Variants in DNA2 observed in about 807,000 individuals in gnomAD.
DNA2 encodes the protein DNA replication ATP-dependent helicase/nuclease DNA2.
DNA2 carries 101 observed loss-of-function variants against 119.1 expected under a neutral mutation model. That is an observed-to-expected ratio of 0.85 (90% CI 0.72 to 1.00). The LOEUF (loss-of-function observed/expected upper bound fraction) is 1.00, where lower values mean the gene tolerates loss of function less well. Among genes scored for constraint, DNA2 ranks in the 50% least tolerant of loss-of-function variants. The pLI is 0.00. For missense variants in DNA2, 1,121 were observed against 1,255.5 expected, an observed-to-expected ratio of 0.89 and a Z score of 1.62; for synonymous variants, 366 against 424.4, an observed-to-expected ratio of 0.86 and a Z score of 1.69.
In DNA2 at chr10:68,471,892, A is replaced by T. The variant is rs767026014; in HGVS notation, c.-28T>A. ...TGGACGCGGGGATCGCAAACTGTAG[A>T]CAGAAAAGACAGCGGAACCGGGGGT... On this transcript the variant is annotated 5_prime_UTR_variant, in exon 1 of 21. Transcript: ENST00000358410. 9.9e-6 allele frequency: 16 copies of T among 1,613,810 alleles called. No individual in the cohort carries two copies. Among genetic ancestry groups the T allele is most frequent in the Non-Finnish European group, 1.4e-5 (16 of 1,179,824 alleles).
intron 10 of DNA2, among the ~76,000 whole-genome samples, chr10:68,434,837 A>C (rs2051867139): frequency 6.6e-6 from 1 of 152,112 alleles, no homozygotes; most frequent in Non-Finnish European, 1.5e-5. Context: ...GTTATGACTC[A>C]ACTAAGATTA....
At position 68,469,116 on chromosome 10, in the gene DNA2, A is replaced by G. The variant is rs141773430; in HGVS notation, c.258-810T>C. ...GACGAAGAGTCAAAGTTAGACCTCT[A>G]GCTTTTCTGCATCTACACTCCACCC... On this transcript the variant is annotated intron_variant, in intron 2 of 20. Coordinates refer to ENST00000358410, the MANE Select transcript of DNA2 (RefSeq NM_001080449.3). Among the ~76,000 whole-genome samples, 507 of 152,172 alleles carry G rather than the reference A, an allele frequency of 3.3e-3. 3 individuals carry two copies. The highest frequency in any genetic ancestry group is 0.011 in the African/African-American group (466 of 41,518).
chr10:68,446,865 G>A (rs996865418), intron 6 of DNA2, among the ~76,000 whole-genome samples: 6 of 152,038 alleles, frequency 3.9e-5, no homozygotes, highest in Non-Finnish European at 7.4e-5. Flanking sequence ...GTGGTGCGGG[G>A]GGAGAAGTGG....
At position 68,414,278 on chromosome 10, in the gene DNA2, CTT is replaced by C. The variant is rs2051560863; in HGVS notation, c.*759_*760del. 1 of 151,830 alleles carries C rather than the reference CTT, an allele frequency of 6.6e-6. No individual in the cohort carries two copies. Among genetic ancestry groups the C allele is most frequent in the Admixed American group, 6.6e-5 (1 of 15,190 alleles). The allele number at this position is 151,830 out of a possible 1,614,324, so 9.4% of individuals were successfully genotyped here. ...ACTTTTTATATATATAATATAATCACTTTGAGACAATTTTGTTTTACAAAACA... is the reference window on the plus strand; with the variant it reads ...ACTTTTTATATATATAATATAATCACTGAGACAATTTTGTTTTACAAAACA... On this transcript the variant is annotated 3_prime_UTR_variant, in exon 21 of 21. Transcript: ENST00000358410.
intron 2 of DNA2, 25 bp from the exon 3 acceptor site, chr10:68,468,331 A>G: frequency 6.8e-7 from 1 of 1,476,602 alleles, no homozygotes; most frequent in Non-Finnish European, 9.0e-7. Flanking sequence ...AAGTTAAAGT[A>G]TAAATACATA....
At chr10:68,442,754 C>T (rs1459729016) in intron 9 of DNA2, among the ~76,000 whole-genome samples, 163 bp downstream of exon 9, 2 of 152,216 alleles carry the variant, frequency 1.3e-5, no homozygotes, top group Non-Finnish European at 2.9e-5. Flanking sequence ...AGGAATGGTG[C>T]TCTTCTTAGA....
intron 6 of DNA2, among the ~76,000 whole-genome samples, chr10:68,449,250 G>A (rs1478085342): frequency 6.6e-6 from 1 of 151,974 alleles, no homozygotes; most frequent in African/African-American, 2.4e-5. Flanking sequence ...TTCTTCTATT[G>A]ACATAATGTT....
intron 5 of DNA2, among the ~76,000 whole-genome samples, chr10:68,458,172 CA>C (rs913586400): frequency 3.8e-4 from 51 of 134,570 alleles, no homozygotes; most frequent in South Asian, 1.6e-3. Context: ...GACTCCGTCT[CA>C]AAAAAAAAAA....
At position 68,446,410 on chromosome 10, in the gene DNA2, C is replaced by T. The variant is rs1484941594; in HGVS notation, c.943G>A (p.Val315Ile). Residue 315 changes from valine (V) to isoleucine (I), a missense_variant, in exon 7 of 21, where the codon GTT becomes ATT. Transcript: ENST00000358410. ...TCTTGGCTTAGTAGAGTGTACAGAACAACCTGTGCAAACATTGACATTTGC... is the reference window on the plus strand; with the variant it reads ...TCTTGGCTTAGTAGAGTGTACAGAATAACCTGTGCAAACATTGACATTTGC... Reference protein sequence around the residue: ...SNSIEHRSQVVLYTLLSQERR... With the variant: ...SNSIEHRSQVILYTLLSQERR... The T allele has an allele frequency of 1.3e-6, 2 of 1,562,302 alleles. No homozygotes were observed. The highest frequency in any genetic ancestry group is 1.9e-5 in the Admixed American group (1 of 51,970).
rs759224382 is a variant in DNA2, at chr10:68,424,848, G to C, written c.2209-1958C>G. On this transcript the variant is annotated intron_variant, in intron 14 of 20. Coordinates refer to ENST00000358410, the MANE Select transcript of DNA2 (RefSeq NM_001080449.3). ...GTAGGCCAACAGCACAACCGTCCAC[G>C]TGGGTACTCACCCAAACAAGGTGGT... The C allele has an allele frequency of 6.1e-6, 5 of 815,826 alleles. No homozygotes were observed. In the South Asian group the frequency reaches 6.7e-5, roughly 11 times the overall value. The allele number at this position is 815,826 out of a possible 1,614,324, so 50.5% of individuals were successfully genotyped here.
intron 5 of DNA2, among the ~76,000 whole-genome samples, chr10:68,456,946 A>T (rs192334440): frequency 2.0e-5 from 3 of 151,764 alleles, no homozygotes; most frequent in Non-Finnish European, 2.9e-5. Flanking sequence ...CATCCTGGCT[A>T]ACACGGTGAA....
chr10:68,460,652 C>A (rs1359356104), intron 4 of DNA2, among the ~76,000 whole-genome samples: 2 of 152,078 alleles, frequency 1.3e-5, no homozygotes, highest in Non-Finnish European at 2.9e-5. Flanking sequence ...ACGTGATCTG[C>A]CCGCCTCGGC....
chr10:68,448,958 TGTGTGTGTGC>T lies in DNA2; in HGVS notation c.939+1060_939+1069del, dbSNP rs796318133. 2.7e-3 allele frequency among the ~76,000 whole-genome samples: 347 copies of T among 127,004 alleles called. 4 individuals carry two copies. Among genetic ancestry groups the T allele is most frequent in the East Asian group, 0.02 (74 of 3,612 alleles). The allele number at this position is 127,004 out of a possible 152,430, so 83.3% of individuals were successfully genotyped here. A position where few individuals can be genotyped will look rare whatever the true frequency, so the allele number is the denominator to read the frequency against. On this transcript the variant is annotated intron_variant, in intron 6 of 20. Transcript: ENST00000358410. ...GTGTGTGTGTGTGTGTGTGTGTGTGTGTGTGTGTGCGTGTGTGTGTGTGTGTGTAGTAGTT... is the reference window on the plus strand; with the variant it reads ...GTGTGTGTGTGTGTGTGTGTGTGTGTGTGTGTGTGTGTGTGTGTAGTAGTT...
At chr10:68,429,756 C>T (rs1207267753) in intron 14 of DNA2, among the ~76,000 whole-genome samples, 1 of 149,168 alleles carries the variant, frequency 6.7e-6, no homozygotes, top group African/African-American at 2.5e-5. Context: ...TTAAGAACTC[C>T]CAGTATAAAT....
chr10:68,469,703 G>T (rs1256816657), intron 2 of DNA2, among the ~76,000 whole-genome samples: 1 of 152,058 alleles, frequency 6.6e-6, no homozygotes, highest in Admixed American at 6.6e-5. Flanking sequence ...GACCTGAGGT[G>T]ATCCGCCTGC....
At chr10:68,439,653 C>G (rs144598777) in intron 9 of DNA2, among the ~76,000 whole-genome samples, 1 of 152,072 alleles carries the variant, frequency 6.6e-6, no homozygotes, top group Admixed American at 6.6e-5. Flanking sequence ...GCCTGACCAA[C>G]ATGGAGAAAC....
chr10:68,441,888 C>T (rs748674803), intron 9 of DNA2, among the ~76,000 whole-genome samples: 2 of 151,882 alleles, frequency 1.3e-5, no homozygotes, highest in Admixed American at 6.6e-5. Flanking sequence ...ATGTTATCAC[C>T]GATGAAAAAG....
At chr10:68,465,278 A>G (rs1006755868) in intron 4 of DNA2, among the ~76,000 whole-genome samples, 13 of 152,160 alleles carry the variant, frequency 8.5e-5, no homozygotes, top group Admixed American at 7.2e-4. Flanking sequence ...CGGCCTCCCA[A>G]AGTGCTGGGA....
intron 7 of DNA2, 22 bp downstream of exon 7, chr10:68,446,274 A>C: frequency 7.3e-7 from 1 of 1,377,244 alleles, no homozygotes; most frequent in East Asian, 2.5e-5. Flanking sequence ...AAGAAGTAAA[A>C]CTAAAAAAAA....
Sources: gnomAD v4.1 joint callset for allele counts (sites outside exome capture counted in the v4.1 genomes callset) on GRCh38, gnomAD v4.1.1 for gene constraint, MANE v1.5 for transcripts, NCBI Gene and HGNC (gene_info 2026-07-23, HGNC 2026-07-21) for gene names.